Variants in XKR6 observed in about 807,000 individuals in gnomAD.
XKR6 encodes XK related 6, also known as XK-related protein 6.
XKR6 carries 22 observed loss-of-function variants against 56.7 expected under a neutral mutation model. That is an observed-to-expected ratio of 0.39 (90% CI 0.28 to 0.55). The LOEUF is 0.55. Among genes scored for constraint, XKR6 ranks in the 20% least tolerant of loss-of-function variants. XKR6 has a pLI of 0.66. For missense variants in XKR6, 852 were observed against 889.0 expected, an observed-to-expected ratio of 0.96 and a Z score of 0.53; for synonymous variants, 524 against 387.8, an observed-to-expected ratio of 1.35 and a Z score of -4.13.
At chr8:11,191,138 T>G (rs1284945613) in intron 1 of XKR6, among the ~76,000 whole-genome samples, 1 of 152,244 alleles carries the variant, frequency 6.6e-6, no homozygotes, top group Non-Finnish European at 1.5e-5. Flanking sequence ...TCATTAACTG[T>G]TTACTGGCAA....
chr8:10,932,425 C>T (rs1367385681), intron 1 of XKR6, among the ~76,000 whole-genome samples: 1 of 145,586 alleles, frequency 6.9e-6, no homozygotes, highest in African/African-American at 2.5e-5. Context: ...TTTTCTTTTT[C>T]TTTTTTTTTT....
intron 1 of XKR6, among the ~76,000 whole-genome samples, chr8:11,152,928 C>T (rs1801336130): frequency 6.6e-6 from 1 of 152,024 alleles, no homozygotes; most frequent in Non-Finnish European, 1.5e-5. Flanking sequence ...TTAAAATGGC[C>T]CAAGCTGTAG....
At chr8:11,162,508 G>C (rs1801862989) in intron 1 of XKR6, among the ~76,000 whole-genome samples, 1 of 152,122 alleles carries the variant, frequency 6.6e-6, no homozygotes, top group Non-Finnish European at 1.5e-5. Flanking sequence ...TTATAATCAA[G>C]TACCAGGTAG....
chr8:10,992,389 C>T (rs917686432), intron 1 of XKR6, among the ~76,000 whole-genome samples: 5 of 152,156 alleles, frequency 3.3e-5, no homozygotes, highest in Admixed American at 3.3e-4. Context: ...ATCCCTCTGA[C>T]TGTGCCAGAT....
intron 1 of XKR6, among the ~76,000 whole-genome samples, chr8:11,150,912 C>T (rs796162194): frequency 8.0e-5 from 12 of 150,600 alleles, no homozygotes; most frequent in African/African-American, 2.7e-4. Flanking sequence ...TTTTTTTCTC[C>T]TCTTTTCTTC....
At chr8:11,004,467 T>C (rs112234968) in intron 1 of XKR6, among the ~76,000 whole-genome samples, 12 of 148,462 alleles carry the variant, frequency 8.1e-5, no homozygotes, top group Middle Eastern at 3.2e-3. Flanking sequence ...ACAGTGAGAG[T>C]CCATCTCAAA....
intron 1 of XKR6, among the ~76,000 whole-genome samples, chr8:10,964,266 C>T (rs941826313): frequency 2.0e-5 from 3 of 152,154 alleles, no homozygotes; most frequent in Admixed American, 1.3e-4. Context: ...ACCCAATACC[C>T]CCACGCTTCC....
rs527752959 is a variant in XKR6 at position 11,123,760 on chromosome 8, C to A, written c.764+76816G>T. ...GCACCCCTACCCCGGGAAAAAAAAACAAAAAATGAAAAACAAAAAAGTCTC... is the reference window on the plus strand; with the variant it reads ...GCACCCCTACCCCGGGAAAAAAAAAAAAAAAATGAAAAACAAAAAAGTCTC... On this transcript the variant is annotated intron_variant, in intron 1 of 2. Transcript: ENST00000416569. 3.9e-3 allele frequency: 1,681 copies of A among 429,638 alleles called. 4 individuals carry two copies. Among genetic ancestry groups the A allele is most frequent in the Middle Eastern group, 9.3e-3 (27 of 2,910 alleles). The allele number at this position is 429,638 out of a possible 1,614,324, so 26.6% of individuals were successfully genotyped here.
At chr8:11,126,444 T>C (rs1251610811) in intron 1 of XKR6, among the ~76,000 whole-genome samples, 1 of 152,210 alleles carries the variant, frequency 6.6e-6, no homozygotes, top group Non-Finnish European at 1.5e-5. Context: ...TTTGGCCTAC[T>C]ACTCAGTTCT....
chr8:10,941,493 G>A (rs1801385991), intron 1 of XKR6, among the ~76,000 whole-genome samples: 1 of 152,220 alleles, frequency 6.6e-6, no homozygotes, highest in Non-Finnish European at 1.5e-5. Flanking sequence ...AAGCACCTGT[G>A]TGAGCTGAGG....
rs528981749 is a variant in XKR6, at chr8:11,144,673, T to C, written c.764+55903A>G. On this transcript the variant is annotated intron_variant, in intron 1 of 2. Transcript: ENST00000416569. Reference sequence around the variant, plus strand: ...TGCTTTCCAGGTATAGACCCAAGTATAGGGTGAGGGCAAAGTAGCAAGCCG... The same window carrying C: ...TGCTTTCCAGGTATAGACCCAAGTACAGGGTGAGGGCAAAGTAGCAAGCCG... Among the ~76,000 whole-genome samples the C allele has an allele frequency of 6.6e-5, 10 of 152,152 alleles. No individual in the cohort carries two copies. The South Asian group carries it at 1.9e-3, about 28-fold the overall frequency.
intron 1 of XKR6, among the ~76,000 whole-genome samples, chr8:11,144,268 C>T (rs73547452): frequency 0.07 from 8,949 of 128,580 alleles, 667 homozygotes; most frequent in African/African-American, 0.22. Context: ...CTAAAGTAGG[C>T]TTCACAGGTC....
chr8:11,070,228 C>T (rs1043497967), intron 1 of XKR6, among the ~76,000 whole-genome samples: 3 of 152,136 alleles, frequency 2.0e-5, no homozygotes, highest in Admixed American at 6.5e-5. Flanking sequence ...ATTTGCCCTG[C>T]GTCTTGGTTT....
intron 1 of XKR6, among the ~76,000 whole-genome samples, chr8:11,128,093 C>T (rs187419163): frequency 1.3e-5 from 2 of 152,078 alleles, no homozygotes; most frequent in Admixed American, 6.5e-5. Flanking sequence ...CCAATTAATA[C>T]GGGACTAATT....
At chr8:10,919,619 C>G (rs1482028271) in intron 2 of XKR6, among the ~76,000 whole-genome samples, 1 of 152,164 alleles carries the variant, frequency 6.6e-6, no homozygotes, top group African/African-American at 2.4e-5. Flanking sequence ...ACTTGTTATT[C>G]CTAATTTACA....
rs575739083 is a variant in XKR6, at chr8:11,200,845, G to A, written c.495C>T (p.Thr165=). Residue 165 remains threonine (T), a synonymous_variant, in exon 1 of 3, where the codon ACC becomes ACT. Transcript: ENST00000416569. This position sits in a 1 kb window ranked among gnomAD's most constrained non-coding sequence, Gnocchi z 6.4. ...RKGDYVYFGL[T]LFFVLVPSLL... is the part of the protein sequence containing the mutation. Reference sequence around the variant, plus strand: ...GCGACGGCACCAGCACGAAGAAGAGGGTCAGCCCGAAGTAGACGTAGTCCC... The same window carrying A: ...GCGACGGCACCAGCACGAAGAAGAGAGTCAGCCCGAAGTAGACGTAGTCCC... 2.5e-6 allele frequency: 4 copies of A among 1,612,042 alleles called. No homozygotes were observed. Among genetic ancestry groups the A allele is most frequent in the East Asian group, 4.5e-5 (2 of 44,776 alleles).
At chr8:10,912,276 G>A (rs1177406230) in intron 2 of XKR6, among the ~76,000 whole-genome samples, 2 of 80,282 alleles carry the variant, frequency 2.5e-5, no homozygotes, top group Admixed American at 1.5e-4. Context: ...AGAGAGAAAT[G>A]GTGTGTATAT....
intron 1 of XKR6, among the ~76,000 whole-genome samples, chr8:11,056,319 G>C (rs370305832): frequency 2.6e-5 from 4 of 152,226 alleles, no homozygotes; most frequent in Non-Finnish European, 5.9e-5. Context: ...TTTCCCACAA[G>C]TGCCTTCCTT....
intron 1 of XKR6, among the ~76,000 whole-genome samples, chr8:10,973,873 C>T (rs1802477140): frequency 6.6e-6 from 1 of 152,378 alleles, no homozygotes; most frequent in East Asian, 1.9e-4. Context: ...GCGTGAGCCA[C>T]CACACCTGTC....
Sources: gnomAD v4.1 joint callset for allele counts (sites outside exome capture counted in the v4.1 genomes callset) on GRCh38, gnomAD v4.1.1 for gene constraint, Gnocchi (gnomAD v3.1) non-coding constraint, MANE v1.5 for transcripts, NCBI Gene and HGNC (gene_info 2026-07-23, HGNC 2026-07-21) for gene names.